Variants in MPC1 observed in about 807,000 individuals in gnomAD.
MPC1 encodes mitochondrial pyruvate carrier 1.
In MPC1, 6 loss-of-function variants were observed where a neutral mutation model predicts 13.9. That is an observed-to-expected ratio of 0.43 (90% CI 0.24 to 0.85). The LOEUF is 0.85. Among genes scored for constraint, MPC1 ranks in the 40% least tolerant of loss-of-function variants. The pLI is 0.24. For missense variants in MPC1, 115 were observed against 143.3 expected (o/e 0.80, Z 1.01); for synonymous variants, 47 against 50.5 (o/e 0.93, Z 0.29).
At chr6:166,382,759 C>A (rs1323519480) in intron 1 of MPC1, 47 bp downstream of exon 1, 2 of 1,535,096 alleles carry the variant, frequency 1.3e-6, no homozygotes, top group Admixed American at 3.9e-5. Flanking sequence ...TCGCAGCCTC[C>A]CGGGAGCCCC....
chr6:166,380,939 CAAAAAAAA>C (rs1175434820), intron 1 of MPC1, among the ~76,000 whole-genome samples: 23 of 47,736 alleles, frequency 4.8e-4, no homozygotes, highest in African/African-American at 1.1e-3. Context: ...AACTCTGTCT[CAAAAAAAA>C]AAAAAAAAAA....
At chr6:166,382,534 G>C (rs556272525) in intron 1 of MPC1, among the ~76,000 whole-genome samples, 1 of 152,094 alleles carries the variant, frequency 6.6e-6, no homozygotes, top group South Asian at 2.1e-4. Flanking sequence ...GACACCCACT[G>C]TCACCCCCGC....
chr6:166,378,892 A>G (rs1050463801), intron 1 of MPC1, among the ~76,000 whole-genome samples: 5 of 152,244 alleles, frequency 3.3e-5, no homozygotes, highest in Non-Finnish European at 5.9e-5. Flanking sequence ...ACGAAAGCAC[A>G]AAAGCTAAAC....
chr6:166,371,764 C>T (rs910996045), intron 1 of MPC1, among the ~76,000 whole-genome samples: 1 of 152,026 alleles, frequency 6.6e-6, no homozygotes, highest in African/African-American at 2.4e-5. Context: ...ACATACATAC[C>T]TATGATAATG....
intron 1 of MPC1, among the ~76,000 whole-genome samples, chr6:166,377,607 T>C (rs1779617274): frequency 6.6e-6 from 1 of 152,254 alleles, no homozygotes; most frequent in African/African-American, 2.4e-5. Flanking sequence ...TAAAATGGGA[T>C]AAAATTTTGA....
intron 1 of MPC1, among the ~76,000 whole-genome samples, chr6:166,372,003 G>T (rs963795488): frequency 6.6e-6 from 1 of 152,030 alleles, no homozygotes; most frequent in Admixed American, 6.6e-5. Flanking sequence ...GTTATATTAT[G>T]AAATATATAT....
In MPC1 at chr6:166,365,278, G is replaced by A; in HGVS notation, c.*151C>T. On this transcript the variant is annotated 3_prime_UTR_variant, in exon 5 of 5. Coordinates refer to ENST00000360961, the MANE Select transcript of MPC1 (RefSeq NM_016098.4). This position sits in a 1 kb window ranked among gnomAD's most constrained non-coding sequence, Gnocchi z 4.2. ...TGTAAGGCAGCAGAGAGTTGGTTTA[G>A]AAACTCTCAGCTATTTCTATAAAAA... The A allele has an allele frequency of 1.7e-6, 1 of 600,384 alleles. No individual in the cohort carries two copies. The highest frequency in any genetic ancestry group is 2.6e-6 in the Non-Finnish European group (1 of 387,080). The allele number at this position is 600,384 out of a possible 1,614,324, so 37.2% of individuals were successfully genotyped here. A position where few individuals can be genotyped will look rare whatever the true frequency, so the allele number is the denominator to read the frequency against.
At position 166,366,114 on chromosome 6, in the gene MPC1, A is replaced by C; in HGVS notation, c.173-8T>G. ...AAGAATAGCAACAGAGGGCTGCCAA[A>C]AATAGCAGAGCAAAGACAATCAATA... On this transcript the variant is annotated splice_polypyrimidine_tract_variant and splice_region_variant and intron_variant, in intron 3 of 4. Transcript: ENST00000360961. 1 of 1,612,984 alleles carries C rather than the reference A, an allele frequency of 6.2e-7. No individual in the cohort carries two copies. Among genetic ancestry groups the C allele is most frequent in the Admixed American group, 1.7e-5 (1 of 59,904 alleles).
chr6:166,367,948 A>G (rs1408388077), intron 2 of MPC1, among the ~76,000 whole-genome samples: 2 of 152,238 alleles, frequency 1.3e-5, no homozygotes, highest in Non-Finnish European at 2.9e-5. Flanking sequence ...TTGGCATAAT[A>G]GAATATTTAA....
intron 3 of MPC1, 23 bp downstream of exon 3, chr6:166,366,772 A>G: frequency 6.2e-7 from 1 of 1,609,838 alleles, no homozygotes; most frequent in Non-Finnish European, 8.5e-7. Context: ...AGTCCTCCCA[A>G]TTATCCAAAT....
chr6:166,382,650 G>A (rs561473903), intron 1 of MPC1, among the ~76,000 whole-genome samples, 156 bp downstream of exon 1: 12 of 152,274 alleles, frequency 7.9e-5, no homozygotes, highest in South Asian at 6.2e-4. Context: ...ATCCGGGTGG[G>A]GCCCCCCTGA....
intron 1 of MPC1, among the ~76,000 whole-genome samples, chr6:166,373,654 A>ATT (rs1779465693): frequency 1.3e-5 from 2 of 152,236 alleles, no homozygotes; most frequent in Admixed American, 1.3e-4. Context: ...AAGAATGTGT[A>ATT]AGAAACTGCC....
intron 1 of MPC1, among the ~76,000 whole-genome samples, chr6:166,376,174 G>C (rs1779564058): frequency 2.4e-5 from 3 of 124,060 alleles, no homozygotes. Context: ...GTGTGTGTGT[G>C]TGTGTATATA....
chr6:166,366,812 C>T lies in MPC1; in HGVS notation c.155G>A (p.Ser52Asn), dbSNP rs1779173359. 1 of 1,614,056 alleles carries T rather than the reference C, an allele frequency of 6.2e-7. No individual in the cohort carries two copies. Among genetic ancestry groups the T allele is most frequent in the South Asian group, 1.1e-5 (1 of 91,080 alleles). ...NDMKKSPEII[S>N]GRMTFALCCY... is the part of the protein sequence containing the mutation. ...ATTCTTACCAAATGTCATCCGCCCACTGATAATCTCTGGAGACTTTTTCAT... is the reference window on the plus strand; with the variant it reads ...ATTCTTACCAAATGTCATCCGCCCATTGATAATCTCTGGAGACTTTTTCAT... Residue 52 changes from serine (S) to asparagine (N), a missense_variant, in exon 3 of 5, where the codon AGT becomes AAT. Ser to Asn is a conservative substitution (Grantham distance 46). This residue lies in a region of MPC1 where 71 missense variants were observed against 88.5 expected (regional missense o/e 0.80). Transcript: ENST00000360961.
intron 3 of MPC1, 101 bp downstream of exon 3, chr6:166,366,694 T>C (rs1257226995): frequency 2.7e-5 from 31 of 1,142,912 alleles, no homozygotes; most frequent in Non-Finnish European, 3.9e-5. Flanking sequence ...GTATGTGACT[T>C]TCTAATAGTG....
At chr6:166,376,595 C>T (rs1394715522) in intron 1 of MPC1, among the ~76,000 whole-genome samples, 1 of 152,234 alleles carries the variant, frequency 6.6e-6, no homozygotes. Flanking sequence ...CCTGCATAAA[C>T]ATGCCCAGAA....
Position 166,374,729 on chromosome 6 carries a change from T to C in MPC1, c.72-4508A>G, listed in dbSNP as rs899256368. ...CCTTTGCTCCTTTGTCAAAATTTAG[T>C]TGATTTGGTTTATGTAGGTCTACTT... On this transcript the variant is annotated intron_variant, in intron 1 of 4. Coordinates refer to ENST00000360961, the MANE Select transcript of MPC1 (RefSeq NM_016098.4). 5.3e-5 allele frequency among the ~76,000 whole-genome samples: 8 copies of C among 152,336 alleles called. No homozygotes were observed. In the East Asian group the frequency reaches 1.5e-3, roughly 29 times the overall value.
chr6:166,382,872 G>T lies in MPC1; in HGVS notation c.5C>A (p.Ala2Glu). The T allele has an allele frequency of 6.3e-7, 1 of 1,598,922 alleles. No individual in the cohort carries two copies. Among genetic ancestry groups the T allele is most frequent in the Non-Finnish European group, 8.5e-7 (1 of 1,174,332 alleles). The stretch of plus-strand genomic sequence containing the variant: ...CGCCGCTTTCCGCACCAACGCGCCC[G>T]CCATGGCTGTGCCGACACCAGACCC... M[A>E]GALVRKAADY... The change falls in exon 1 of 5, where the codon GCG (alanine) becomes GAG (glutamate). Residue 2 changes from alanine (A) to glutamate (E), a missense_variant. Around this residue, in one of 3 missense-constraint regions of MPC1, gnomAD observed 41 missense variants for 34.2 expected, o/e 1.20. Coordinates refer to ENST00000360961, the MANE Select transcript of MPC1 (RefSeq NM_016098.4).
chr6:166,369,855 C>T, intron 2 of MPC1: 1 of 392,332 alleles, frequency 2.5e-6, no homozygotes, highest in South Asian at 2.2e-5. Flanking sequence ...GAAAATCAAG[C>T]CATGGAAATG....
Sources: allele counts gnomAD v4.1 joint callset (sites outside exome capture counted in the v4.1 genomes callset), GRCh38; gene constraint gnomAD v4.1.1; regional missense constraint gnomAD v4.1.1; non-coding constraint Gnocchi (gnomAD v3.1); transcripts MANE v1.5; gene names NCBI Gene and HGNC (gene_info 2026-07-23, HGNC 2026-07-21).